Variants in DENND1B observed in about 807,000 individuals in gnomAD.
The protein encoded by DENND1B is DENN domain containing 1B, also known as DENN domain-containing protein 1B.
In DENND1B, 59 loss-of-function variants were observed where a neutral mutation model predicts 90.1. The ratio of observed to expected loss-of-function variants is 0.65; its 90% CI spans 0.53 to 0.81. The LOEUF (loss-of-function observed/expected upper bound fraction) is 0.81, where lower values mean the gene tolerates loss of function less well. Among genes scored for constraint, DENND1B ranks in the 40% least tolerant of loss-of-function variants. DENND1B has a pLI of 0.00. For synonymous variants in DENND1B, 337 were observed against 324.6 expected (o/e 1.04, Z -0.41); for missense variants, 862 against 912.6 (o/e 0.94, Z 0.71).
At chr1:197,551,402 T>C (rs1671231926) in intron 16 of DENND1B, among the ~76,000 whole-genome samples, 1 of 152,140 alleles carries the variant, frequency 6.6e-6, no homozygotes, top group African/African-American at 2.4e-5. Flanking sequence ...TCAAAACCTT[T>C]TCATTTTAAT....
At chr1:197,735,619 C>A in intron 2 of DENND1B, 2 of 1,614,176 alleles carry the variant, frequency 1.2e-6, no homozygotes, top group Non-Finnish European at 1.7e-6. Flanking sequence ...CTTTTCTCCT[C>A]CCGTGGAGCT....
At chr1:197,581,732 C>A (rs1383237470) in intron 15 of DENND1B, among the ~76,000 whole-genome samples, 1 of 152,100 alleles carries the variant, frequency 6.6e-6, no homozygotes, top group Non-Finnish European at 1.5e-5. Flanking sequence ...TGGTAAGGAA[C>A]TAGTTACAGA....
At chr1:197,594,304 A>C (rs1485729140) in intron 14 of DENND1B, among the ~76,000 whole-genome samples, 2 of 152,188 alleles carry the variant, frequency 1.3e-5, no homozygotes, top group Non-Finnish European at 2.9e-5. Flanking sequence ...ACATTTGCTT[A>C]GTGCCTCAGA....
intron 10 of DENND1B, among the ~76,000 whole-genome samples, chr1:197,625,031 C>A (rs1307997643): frequency 6.6e-6 from 1 of 152,024 alleles, no homozygotes; most frequent in Non-Finnish European, 1.5e-5. Flanking sequence ...AAGACCAAAT[C>A]TACGTCTGAT....
chr1:197,766,024 C>T (rs1040664700), intron 2 of DENND1B, among the ~76,000 whole-genome samples: 6 of 152,152 alleles, frequency 3.9e-5, no homozygotes, highest in Non-Finnish European at 8.8e-5. Context: ...AAGGGCATAA[C>T]CCAAGGACAT....
chr1:197,527,123 CAAAA>C (rs922665789), intron 20 of DENND1B, among the ~76,000 whole-genome samples: 59 of 152,094 alleles, frequency 3.9e-4, no homozygotes, highest in African/African-American at 1.3e-3. Flanking sequence ...AAAGTGAACT[CAAAA>C]GATCAATTTA....
chr1:197,555,656 T>C (rs1321324210), intron 15 of DENND1B, among the ~76,000 whole-genome samples: 1 of 152,116 alleles, frequency 6.6e-6, no homozygotes, highest in Non-Finnish European at 1.5e-5. Context: ...CACAATGAGA[T>C]ACCACCTCAC....
At chr1:197,705,361 C>T (rs1412950693) in intron 3 of DENND1B, among the ~76,000 whole-genome samples, 1 of 152,000 alleles carries the variant, frequency 6.6e-6, no homozygotes, top group African/African-American at 2.4e-5. Context: ...CAGCTCTAAC[C>T]TTCAAGAAGG....
At chr1:197,677,027 T>G (rs1393290430) in intron 3 of DENND1B, among the ~76,000 whole-genome samples, 1 of 152,168 alleles carries the variant, frequency 6.6e-6, no homozygotes, top group Non-Finnish European at 1.5e-5. Flanking sequence ...CACTAACGTT[T>G]ACATCTTGAT....
rs74211600 is a variant in DENND1B, at chr1:197,545,028, G to GAGGAGAAGGAGAAGGAGA, written c.1350+876_1350+893dup. On this transcript the variant is annotated intron_variant, in intron 18 of 22. Coordinates refer to ENST00000620048, the MANE Select transcript of DENND1B (RefSeq NM_001195215.2). ...ACGACGACGACGACGACGAAAGAAG[G>GAGGAGAAGGAGAAGGAGA]AGGAGAAGGAGAAGGAGAAGGAGAA... Among the ~76,000 whole-genome samples, 948 of 109,224 alleles carry GAGGAGAAGGAGAAGGAGA rather than the reference G, an allele frequency of 8.7e-3. 9 individuals are homozygous for GAGGAGAAGGAGAAGGAGA. Among genetic ancestry groups the GAGGAGAAGGAGAAGGAGA allele is most frequent in the African/African-American group, 0.023 (655 of 28,802 alleles). The allele number at this position is 109,224 out of a possible 152,430, so 71.7% of individuals were successfully genotyped here. A position where few individuals can be genotyped will look rare whatever the true frequency, so the allele number is the denominator to read the frequency against.
At chr1:197,751,704 C>T (rs1210095296) in intron 2 of DENND1B, among the ~76,000 whole-genome samples, 2 of 151,770 alleles carry the variant, frequency 1.3e-5, no homozygotes, top group Non-Finnish European at 2.9e-5. Context: ...ATTAGCAGGG[C>T]GTGGTAGCAT....
chr1:197,666,343 A>C (rs1654933915), intron 5 of DENND1B, among the ~76,000 whole-genome samples: 1 of 152,228 alleles, frequency 6.6e-6, no homozygotes, highest in Non-Finnish European at 1.5e-5. Flanking sequence ...GACACAGAAA[A>C]ATCTGTAAAT....
At chr1:197,652,482 TA>T (rs1653341747) in intron 6 of DENND1B, among the ~76,000 whole-genome samples, 167 bp from the exon 7 acceptor site, 1 of 152,182 alleles carries the variant, frequency 6.6e-6, no homozygotes, top group African/African-American at 2.4e-5. Flanking sequence ...TATTTGAGTC[TA>T]AAAATATGAA....
chr1:197,652,178 T>A, intron 7 of DENND1B, 57 bp downstream of exon 7: 1 of 1,472,612 alleles, frequency 6.8e-7, no homozygotes, highest in Non-Finnish European at 9.4e-7. Flanking sequence ...CACGTGCTCT[T>A]AACGAAATTG....
chr1:197,645,762 T>C lies in DENND1B; in HGVS notation c.508-19A>G. On this transcript the variant is annotated intron_variant, in intron 8 of 22. Coordinates refer to ENST00000620048, the MANE Select transcript of DENND1B (RefSeq NM_001195215.2). ...AGGAATGCTAATCAATACAAATAAA[T>C]CACATATGAAAAAGATAATTAAAAC... is the stretch of plus-strand genomic sequence containing the variant. The C allele has an allele frequency of 6.6e-7, 1 of 1,514,974 alleles. No homozygotes were observed. The highest frequency in any genetic ancestry group is 8.9e-7 in the Non-Finnish European group (1 of 1,124,672). 93.8% of individuals were successfully genotyped at this position (1,514,974 alleles called of 1,614,324 possible).
intron 9 of DENND1B, among the ~76,000 whole-genome samples, chr1:197,645,220 G>T (rs896913432): frequency 6.6e-6 from 1 of 151,932 alleles, no homozygotes; most frequent in Admixed American, 6.6e-5. Context: ...AGGAAATTAA[G>T]AACAGTTCAT....
At chr1:197,518,592 A>G (rs944010206) in intron 20 of DENND1B, among the ~76,000 whole-genome samples, 14 of 151,924 alleles carry the variant, frequency 9.2e-5, no homozygotes, top group African/African-American at 3.4e-4. Context: ...TAGCTTCAAG[A>G]TAGCAAATAG....
chr1:197,569,620 A>G (rs1164435875), intron 15 of DENND1B, among the ~76,000 whole-genome samples: 1 of 151,858 alleles, frequency 6.6e-6, no homozygotes, highest in Non-Finnish European at 1.5e-5. Flanking sequence ...AACCCTTTAT[A>G]AAGAAGAAAA....
intron 3 of DENND1B, among the ~76,000 whole-genome samples, chr1:197,697,661 T>A (rs1306422187): frequency 6.6e-6 from 1 of 151,876 alleles, no homozygotes; most frequent in Non-Finnish European, 1.5e-5. Context: ...TGGTGTGCTA[T>A]ATTCAGGAGA....
Sources: gnomAD v4.1 joint callset for allele counts (sites outside exome capture counted in the v4.1 genomes callset) on GRCh38, gnomAD v4.1.1 for gene constraint, MANE v1.5 for transcripts, NCBI Gene and HGNC (gene_info 2026-07-23, HGNC 2026-07-21) for gene names.